The following ZNF774 variants were observed in gnomAD, a reference collection of about 807,000 sequenced individuals.
ZNF774 encodes zinc finger protein 774.
ZNF774 carries 14 observed loss-of-function variants against 11.1 expected under a neutral mutation model. That is an observed-to-expected ratio of 1.26 (90% CI 0.83 to 1.97). ZNF774 has a LOEUF of 1.97. Among genes scored for constraint, ZNF774 ranks in the 30% most tolerant of loss-of-function variants. The probability of loss-of-function intolerance (pLI) is 0.00; values close to 1 mark genes in which losing one functional copy is unlikely to be tolerated. For synonymous variants in ZNF774, 195 were observed against 212.6 expected (o/e 0.92, Z 0.72); for missense variants, 599 against 587.0 (o/e 1.02, Z -0.21).
At chr15:90,358,102 G>A (rs1309143513) in intron 2 of ZNF774, among the ~76,000 whole-genome samples, 2 of 151,900 alleles carry the variant, frequency 1.3e-5, no homozygotes, top group Non-Finnish European at 1.5e-5. Context: ...TGGCCAGGCT[G>A]GTCTCAAACT....
At chr15:90,354,896 G>A in intron 2 of ZNF774, 132 bp downstream of exon 2, 1 of 756,844 alleles carries the variant, frequency 1.3e-6, no homozygotes, top group East Asian at 2.7e-5. Flanking sequence ...CTGGGCTCAA[G>A]CGATTCTCCC....
rs1353453960 is a variant in ZNF774, at chr15:90,360,995, C to T, written c.1164C>T (p.Ser388=). 1.2e-6 allele frequency: 2 copies of T among 1,614,006 alleles called. No individual in the cohort carries two copies. Among genetic ancestry groups the T allele is most frequent in the South Asian group, 1.1e-5 (1 of 91,064 alleles). Reference sequence around the variant, plus strand: ...GTGGGAAAGGATTCGCCGACAGCTCCGCCCTCATTAAGCACCAACGAATCC... The same window carrying T: ...GTGGGAAAGGATTCGCCGACAGCTCTGCCCTCATTAAGCACCAACGAATCC... ...ENCGKGFADS[S]ALIKHQRIHT... is the part of the protein sequence containing the mutation. Residue 388 remains serine, a synonymous_variant, in exon 4 of 4, where the codon TCC becomes TCT. Coordinates refer to ENST00000354377, the MANE Select transcript of ZNF774 (RefSeq NM_001004309.3).
In ZNF774 at chr15:90,360,725, G is replaced by T; in HGVS notation, c.894G>T (p.Glu298Asp). The T allele has an allele frequency of 6.2e-7, 1 of 1,614,222 alleles. No homozygotes were observed. Among genetic ancestry groups the T allele is most frequent in the Non-Finnish European group, 8.5e-7 (1 of 1,180,034 alleles). The change falls in exon 4 of 4, where the codon GAG (glutamate) becomes GAT (aspartate). Residue 298 changes from glutamate to aspartate, a missense_variant. By Grantham distance (45) the Glu-to-Asp change is conservative. Transcript: ENST00000354377. Reference sequence around the variant, plus strand: ...CTTACAGGTGTAATGACTGTGGGGAGAGTTTTAGCCAGAGCTCGGATTTGA... The same window carrying T: ...CTTACAGGTGTAATGACTGTGGGGATAGTTTTAGCCAGAGCTCGGATTTGA... ...VKPYRCNDCG[E>D]SFSQSSDLIK... is the part of the protein sequence containing the mutation.
chr15:90,355,781 A>T (rs1835581284), intron 2 of ZNF774, among the ~76,000 whole-genome samples: 1 of 148,484 alleles, frequency 6.7e-6, no homozygotes. Context: ...CTGTAATCCC[A>T]GCACTTTGGG....
chr15:90,358,882 G>T lies in ZNF774; in HGVS notation c.136G>T (p.Glu46Ter), dbSNP rs376425989. Residue 46 changes from glutamate to a stop codon, truncating the protein, a stop_gained, in exon 3 of 4, where the codon GAG becomes TAG. Coordinates refer to ENST00000354377, the MANE Select transcript of ZNF774 (RefSeq NM_001004309.3). LOFTEE classifies it high-confidence loss of function. ...CAGGCCTAGTGTAATCTCCCAGCCG[G>T]AGCAGAAAGAAGAGCCATGGGTCCT... ...ISRPSVISQP[E>*]QKEEPWVLPL... 1.2e-6 allele frequency: 2 copies of T among 1,613,302 alleles called. No individual in the cohort carries two copies. Among genetic ancestry groups the T allele is most frequent in the Non-Finnish European group, 8.5e-7 (1 of 1,179,614 alleles).
intron 3 of ZNF774, 72 bp from the exon 4 acceptor site, chr15:90,359,971 T>C (rs1434759601): frequency 4.0e-6 from 6 of 1,485,228 alleles, no homozygotes; most frequent in Admixed American, 4.5e-5. Context: ...TTTTAATCTT[T>C]GTCACTGCTT....
In ZNF774 at chr15:90,362,294, A is replaced by G; in HGVS notation, c.*1011A>G. The G allele has an allele frequency of 2.4e-6, 1 of 415,008 alleles. No homozygotes were observed. Among genetic ancestry groups the G allele is most frequent in the Non-Finnish European group, 4.4e-6 (1 of 228,950 alleles). The allele number at this position is 415,008 out of a possible 1,614,324, so 25.7% of individuals were successfully genotyped here. ...GAAAGAATTTCAGAAGCTCTTTTAA[A>G]TGGCAGTGTATGGCAGTGTATCTAC... is the stretch of plus-strand genomic sequence containing the variant. On this transcript the variant is annotated 3_prime_UTR_variant, in exon 4 of 4. Transcript: ENST00000354377.
intron 2 of ZNF774, among the ~76,000 whole-genome samples, chr15:90,356,850 T>A (rs1359248663): frequency 1.3e-5 from 2 of 152,140 alleles, no homozygotes; most frequent in Admixed American, 1.3e-4. Context: ...AGCAATTGCC[T>A]GAGCTACTTG....
chr15:90,355,493 G>C (rs1032417941), intron 2 of ZNF774: 4 of 454,850 alleles, frequency 8.8e-6, no homozygotes, highest in Non-Finnish European at 1.8e-5. Context: ...GGTAGGCTGA[G>C]GTGGGCGGAT....
rs560048083 is a variant in ZNF774, at chr15:90,361,461, C to T, written c.*178C>T. On this transcript the variant is annotated 3_prime_UTR_variant, in exon 4 of 4. Transcript: ENST00000354377. ...AACTTAAAGGGTCCAAATAACGGTC[C>T]GAATACAAAAGGCATTCCTTCAGTG... The T allele has an allele frequency of 4.3e-6, 6 of 1,393,124 alleles. No homozygotes were observed. The highest frequency in any genetic ancestry group is 2.5e-5 in the East Asian group (1 of 39,234). The allele number at this position is 1,393,124 out of a possible 1,614,324, so 86.3% of individuals were successfully genotyped here. A position where few individuals can be genotyped will look rare whatever the true frequency, so the allele number is the denominator to read the frequency against.
At position 90,361,498 on chromosome 15, in the gene ZNF774, C is replaced by T. The variant is rs1284870843; in HGVS notation, c.*215C>T. ...GCATTCCTTCAGTGTGTGACTGACT[C>T]TTAGGGAAATGTGAGTTTAATAGTT... On this transcript the variant is annotated 3_prime_UTR_variant, in exon 4 of 4. Transcript: ENST00000354377. 3.0e-6 allele frequency: 4 copies of T among 1,329,072 alleles called. No individual in the cohort carries two copies. The East Asian group carries it at 1.1e-4, about 38-fold the overall frequency. 82.3% of individuals were successfully genotyped at this position (1,329,072 alleles called of 1,614,324 possible).
chr15:90,361,352 T>C lies in ZNF774; in HGVS notation c.*69T>C, dbSNP rs925541373. 2 of 1,511,410 alleles carry C rather than the reference T, an allele frequency of 1.3e-6. No individual in the cohort carries two copies. Among genetic ancestry groups the C allele is most frequent in the African/African-American group, 1.4e-5 (1 of 71,778 alleles). The allele number at this position is 1,511,410 out of a possible 1,614,324, so 93.6% of individuals were successfully genotyped here. ...TGCTACTGTCTTCAAGCACCCCAAA[T>C]AGAGAAAACCTGGGCGTCAGTGGCT... On this transcript the variant is annotated 3_prime_UTR_variant, in exon 4 of 4. Transcript: ENST00000354377.
intron 2 of ZNF774, 40 bp from the exon 3 acceptor site, chr15:90,358,811 T>G: frequency 6.3e-7 from 1 of 1,576,400 alleles, no homozygotes; most frequent in South Asian, 1.1e-5. Flanking sequence ...CCTTGTGTGA[T>G]TGGCTCAGAC....
chr15:90,356,474 G>A (rs1596229799), intron 2 of ZNF774, among the ~76,000 whole-genome samples: 1 of 152,100 alleles, frequency 6.6e-6, no homozygotes, highest in East Asian at 1.9e-4. Context: ...TGAGATTAGA[G>A]GTGTGAGCCA....
chr15:90,354,645 C>A lies in ZNF774; in HGVS notation c.-16C>A, dbSNP rs532835583. 1.9e-6 allele frequency: 3 copies of A among 1,585,672 alleles called. No homozygotes were observed. Among genetic ancestry groups the A allele is most frequent in the Admixed American group, 3.5e-5 (2 of 57,486 alleles). On this transcript the variant is annotated 5_prime_UTR_variant, in exon 2 of 4. It adds an upstream start codon to the 5' untranslated region. Coordinates refer to ENST00000354377, the MANE Select transcript of ZNF774 (RefSeq NM_001004309.3). ...ACATTGAGGTCTCTTGCTTTAGGAACTGATGACGCTTGATAATGTGGCTGG... is the reference window on the plus strand; with the variant it reads ...ACATTGAGGTCTCTTGCTTTAGGAAATGATGACGCTTGATAATGTGGCTGG...
At position 90,362,775 on chromosome 15, in the gene ZNF774, A is replaced by G. The variant is rs985805196; in HGVS notation, c.*1492A>G. ...CACACACACACACACACACACACAC[A>G]CACACACACACTTTGTTGGTTAACT... On this transcript the variant is annotated 3_prime_UTR_variant, in exon 4 of 4. Transcript: ENST00000354377. 5.4e-6 allele frequency: 3 copies of G among 553,122 alleles called. No individual in the cohort carries two copies. In the East Asian group the frequency reaches 8.5e-5, roughly 16 times the overall value. 34.3% of individuals were successfully genotyped at this position (553,122 alleles called of 1,614,324 possible).
rs1175511626 is a variant in ZNF774, at chr15:90,362,110, A to G, written c.*827A>G. ...AAACTCAGAACGTGAAAGAAATTAG[A>G]TTGGAACTAGAAGGTTTGGGGTTGG... On this transcript the variant is annotated 3_prime_UTR_variant, in exon 4 of 4. Coordinates refer to ENST00000354377, the MANE Select transcript of ZNF774 (RefSeq NM_001004309.3). 6.3e-6 allele frequency: 1 copy of G among 159,796 alleles called. No individual in the cohort carries two copies. The highest frequency in any genetic ancestry group is 1.4e-5 in the Non-Finnish European group (1 of 72,226). The allele number at this position is 159,796 out of a possible 1,614,324, so 9.9% of individuals were successfully genotyped here.
chr15:90,353,594 AT>A (rs11299715), intron 1 of ZNF774, among the ~76,000 whole-genome samples: 23,493 of 140,760 alleles, frequency 0.17, 2,046 homozygotes, highest in South Asian at 0.25. Context: ...TGCTGGCTGC[AT>A]TTTTTTTTTT....
Position 90,362,330 on chromosome 15 carries a change from C to T in ZNF774, c.*1047C>T, listed in dbSNP as rs1964348028. The T allele has an allele frequency of 1.9e-6, 1 of 537,388 alleles. No individual in the cohort carries two copies. Among genetic ancestry groups the T allele is most frequent in the Admixed American group, 3.1e-5 (1 of 32,098 alleles). The allele number at this position is 537,388 out of a possible 1,614,324, so 33.3% of individuals were successfully genotyped here. On this transcript the variant is annotated 3_prime_UTR_variant, in exon 4 of 4. Transcript: ENST00000354377. Reference sequence around the variant, plus strand: ...TGGCAGTGTATCTACCAGAGGTTTGCTGTCATCTGACACAGAGAAAATATC... The same window carrying T: ...TGGCAGTGTATCTACCAGAGGTTTGTTGTCATCTGACACAGAGAAAATATC...
Sources: allele counts gnomAD v4.1 joint callset (sites outside exome capture counted in the v4.1 genomes callset), GRCh38; gene constraint gnomAD v4.1.1; transcripts MANE v1.5; gene names NCBI Gene and HGNC (gene_info 2026-07-23, HGNC 2026-07-21).